RBM4: variants seen among roughly 807,000 people sequenced by gnomAD.
RBM4 encodes RNA-binding protein 4.
In RBM4, 7 loss-of-function variants were observed where a neutral mutation model predicts 29.5. That is an observed-to-expected ratio of 0.24 (90% CI 0.14 to 0.45). RBM4 has a LOEUF of 0.45. Ranked by LOEUF, RBM4 falls within the 20% of genes least tolerant of loss-of-function variation. The probability of loss-of-function intolerance (pLI) is 1.00; values close to 1 mark genes in which losing one functional copy is unlikely to be tolerated. For synonymous variants in RBM4, 220 were observed against 205.4 expected, an observed-to-expected ratio of 1.07 and a Z score of -0.61; for missense variants, 387 against 502.3, an observed-to-expected ratio of 0.77 and a Z score of 2.19.
downstream of RBM4, among the ~76,000 whole-genome samples, chr11:66,647,740 T>G (rs957637702): frequency 6.6e-6 from 1 of 152,130 alleles, no homozygotes; most frequent in African/African-American, 2.4e-5. Context: ...GAAGGTGGTG[T>G]TTTAAGTGTT....
chr11:66,639,169 C>T (rs1312609502), intron 1 of RBM4: 2 of 155,634 alleles, frequency 1.3e-5, no homozygotes, highest in African/African-American at 4.8e-5. Flanking sequence ...GCGTTCACCA[C>T]TCCAGTATTT....
At chr11:66,662,208 T>TA (rs1357782222) in intron 2 of RBM4, among the ~76,000 whole-genome samples, 1 of 152,144 alleles carries the variant, frequency 6.6e-6, no homozygotes, top group African/African-American at 2.4e-5. Flanking sequence ...TATAATTAAA[T>TA]AAAAAACTCA....
At chr11:66,641,398 G>A (rs1030426546) in intron 2 of RBM4, among the ~76,000 whole-genome samples, 2 of 152,118 alleles carry the variant, frequency 1.3e-5, no homozygotes, top group Admixed American at 6.5e-5. Flanking sequence ...ATTGCTGTGC[G>A]TTAGTAAAGA....
chr11:66,643,377 A>C lies in RBM4; in HGVS notation c.413-73A>C. 2 of 1,525,470 alleles carry C rather than the reference A, an allele frequency of 1.3e-6. No individual in the cohort carries two copies. Among genetic ancestry groups the C allele is most frequent in the East Asian group, 4.5e-5 (2 of 43,990 alleles). The allele number at this position is 1,525,470 out of a possible 1,614,324, so 94.5% of individuals were successfully genotyped here. A position where few individuals can be genotyped will look rare whatever the true frequency, so the allele number is the denominator to read the frequency against. ...TTGTCTAGATAAAGCCATTGCTATG[A>C]CCAGTGTCTGGGGTAGGGGCTGGGG... On this transcript the variant is annotated intron_variant, in intron 2 of 3. Transcript: ENST00000310092. This position sits in a 1 kb window ranked among gnomAD's most constrained non-coding sequence, Gnocchi z 6.1.
chr11:66,647,450 G>T (rs561890950), downstream of RBM4, among the ~76,000 whole-genome samples: 3 of 152,156 alleles, frequency 2.0e-5, no homozygotes, highest in African/African-American at 7.2e-5. Flanking sequence ...TGTACGTGAA[G>T]CCTGTGCTGG....
At chr11:66,663,387 T>TG (rs1939121891) in intron 2 of RBM4, among the ~76,000 whole-genome samples, 1 of 152,198 alleles carries the variant, frequency 6.6e-6, no homozygotes, top group Non-Finnish European at 1.5e-5. Flanking sequence ...TTTTTTGAGA[T>TG]GGAGTCTCGC....
intron 1 of RBM4, 192 bp from the exon 2 acceptor site, chr11:66,639,508 C>T (rs1484691017): frequency 1.4e-6 from 1 of 710,512 alleles, no homozygotes; most frequent in East Asian, 2.7e-5. Flanking sequence ...TCTTCTTATT[C>T]TTACAGGTTC....
At position 66,640,057 on chromosome 11, in the gene RBM4, G is replaced by A. The variant is rs368114061; in HGVS notation, c.346G>A (p.Val116Ile). ...TGACATCGTGAAAGATTATGCCTTC[G>A]TACACATGGAGCGGGCAGAGGATGC... Reference protein sequence around the residue: ...ECDIVKDYAFVHMERAEDAVE... With the variant: ...ECDIVKDYAFIHMERAEDAVE... Residue 116 changes from valine (V) to isoleucine (I), a missense_variant, in exon 2 of 4, where the codon GTA becomes ATA. Physicochemically the swap from Val to Ile is conservative, Grantham distance 29 (BLOSUM62 3). Transcript: ENST00000310092. 6.2e-7 allele frequency: 1 copy of A among 1,614,072 alleles called. No homozygotes were observed. Among genetic ancestry groups the A allele is most frequent in the African/African-American group, 1.3e-5 (1 of 74,912 alleles).
intron 2 of RBM4, among the ~76,000 whole-genome samples, chr11:66,657,108 C>CTTTT (rs748071140): frequency 1.3e-4 from 12 of 93,394 alleles, no homozygotes; most frequent in East Asian, 3.4e-4. Context: ...ATTTTTTAGT[C>CTTTT]TTTTTTTTTT....
At chr11:66,654,218 G>A (rs894564188) in intron 2 of RBM4, among the ~76,000 whole-genome samples, 9 of 151,978 alleles carry the variant, frequency 5.9e-5, no homozygotes, top group Non-Finnish European at 7.4e-5. Flanking sequence ...TTGGCCGGGC[G>A]TGGTGGCTCA....
chr11:66,640,121 A>G lies in RBM4; in HGVS notation c.410A>G (p.Gln137Arg), dbSNP rs1284709123. The G allele has an allele frequency of 1.9e-6, 3 of 1,614,088 alleles. No individual in the cohort carries two copies. Among genetic ancestry groups the G allele is most frequent in the Non-Finnish European group, 2.5e-6 (3 of 1,180,044 alleles). ...AIRGLDNTEF[Q>R]GKRMHVQLST... Reference sequence around the variant, plus strand: ...AGGGGCCTTGATAACACAGAGTTTCAAGGTGAACCACCCTCTTTGGGTAGA... The same window carrying G: ...AGGGGCCTTGATAACACAGAGTTTCGAGGTGAACCACCCTCTTTGGGTAGA... The change falls in exon 2 of 4, where the codon CAA becomes CGA. Residue 137 changes from glutamine (Q) to arginine (R), a missense_variant and splice_region_variant. Coordinates refer to ENST00000310092, the MANE Select transcript of RBM4 (RefSeq NM_002896.4).
rs1472268658 is a variant in RBM4, at chr11:66,643,900, C to T, written c.863C>T (p.Ala288Val). ...TCAGGAGCTGCTGCCACAGCTGCTG[C>T]TGCAGCAGCAGCCGCTGCTGCTGTT... ...PTSGAAATAA[A>V]AAAAAAAVTA... is the part of the protein sequence containing the mutation. The change falls in exon 3 of 4, where the codon GCT becomes GTT. Residue 288 changes from alanine to valine, a missense_variant. By Grantham distance (64) the Ala-to-Val change is moderately conservative (BLOSUM62 0). Coordinates refer to ENST00000310092, the MANE Select transcript of RBM4 (RefSeq NM_002896.4). The surrounding 1 kb of genome is among the most constrained non-coding windows in gnomAD (Gnocchi z 6.1). 2.5e-6 allele frequency: 4 copies of T among 1,611,454 alleles called. No homozygotes were observed. In the South Asian group the frequency reaches 4.4e-5, roughly 18 times the overall value.
At position 66,643,778 on chromosome 11, in the gene RBM4, G is replaced by A. The variant is rs781393281; in HGVS notation, c.741G>A (p.Gln247=). ...AAASVYNYAE[Q]TLSQLPQVQN... The stretch of plus-strand genomic sequence containing the variant: ...CCTCCGTGTATAATTACGCAGAGCA[G>A]ACCCTGTCCCAGCTGCCACAAGTCC... The change falls in exon 3 of 4, where the codon CAG becomes CAA. Residue 247 remains glutamine (Q), a synonymous_variant. Transcript: ENST00000310092. The surrounding 1 kb of genome is among the most constrained non-coding windows in gnomAD (Gnocchi z 6.1). The A allele has an allele frequency of 1.9e-6, 3 of 1,614,004 alleles. No homozygotes were observed. The South Asian group carries it at 3.3e-5, about 18-fold the overall frequency.
At chr11:66,650,646 G>A (rs1234116962), downstream of RBM4, among the ~76,000 whole-genome samples, 1 of 151,756 alleles carries the variant, frequency 6.6e-6, no homozygotes, top group African/African-American at 2.4e-5. Flanking sequence ...GGCGGATCAC[G>A]AGGTCAGGAG....
Position 66,662,359 on chromosome 11 carries a change from T to G in RBM4, c.413-3497T>G, listed in dbSNP as rs1044995137. ...GATATAGAACTCTTTTGCAGAAAAT[T>G]TTTTTTCTTGTGCCAATGACATAGA... On this transcript the variant is annotated intron_variant, in intron 2 of 2. Coordinates refer to the RBM4 transcript ENST00000396053. Among the ~76,000 whole-genome samples the G allele has an allele frequency of 2.0e-5, 3 of 152,172 alleles. No homozygotes were observed. In the East Asian group the frequency reaches 5.8e-4, roughly 29 times the overall value.
downstream of RBM4, chr11:66,650,064 CTG>C (rs987435291): frequency 1.2e-5 from 5 of 425,704 alleles, no homozygotes; most frequent in African/African-American, 1.0e-4. Context: ...CCTGTCCTCA[CTG>C]TGCCTCCACA....
At position 66,646,390 on chromosome 11, in the gene RBM4, T is replaced by C; in HGVS notation, c.*372T>C. On this transcript the variant is annotated 3_prime_UTR_variant, in exon 4 of 4. Transcript: ENST00000310092. ...GTGAGAGTCTCACTGCTCCAGGGTC[T>C]CTTTTTGGTCCAAAGGCTAGACCTA... 8.8e-7 allele frequency: 1 copy of C among 1,139,366 alleles called. No individual in the cohort carries two copies. Among genetic ancestry groups the C allele is most frequent in the Non-Finnish European group, 1.1e-6 (1 of 924,778 alleles). 70.6% of individuals were successfully genotyped at this position (1,139,366 alleles called of 1,614,324 possible). A position where few individuals can be genotyped will look rare whatever the true frequency, so the allele number is the denominator to read the frequency against.
chr11:66,647,682 C>CT (rs1296461900), downstream of RBM4, among the ~76,000 whole-genome samples: 4 of 152,118 alleles, frequency 2.6e-5, no homozygotes, highest in Admixed American at 6.5e-5. Flanking sequence ...ACATTGGAGA[C>CT]TAACAGTATT....
intron 2 of RBM4, among the ~76,000 whole-genome samples, chr11:66,641,370 G>GT (rs1718529394): frequency 6.6e-6 from 1 of 152,130 alleles, no homozygotes; most frequent in Non-Finnish European, 1.5e-5. Context: ...CTAGTAATGG[G>GT]TGCCCTGTGT....
Sources: gnomAD v4.1 joint callset for allele counts (sites outside exome capture counted in the v4.1 genomes callset) on GRCh38, gnomAD v4.1.1 for gene constraint, Gnocchi (gnomAD v3.1) non-coding constraint, MANE v1.5 for transcripts, NCBI Gene and HGNC (gene_info 2026-07-23, HGNC 2026-07-21) for gene names.